The following SLC9A1 variants were observed in gnomAD, a reference collection of about 807,000 sequenced individuals.
SLC9A1 encodes solute carrier family 9 member A1, also known as sodium/hydrogen exchanger 1.
SLC9A1 carries 22 observed loss-of-function variants against 67.9 expected under a neutral mutation model. The ratio of observed to expected loss-of-function variants is 0.32; its 90% CI spans 0.23 to 0.46. SLC9A1 has a LOEUF of 0.46. SLC9A1 is among the 20% of genes least tolerant of loss of function. The probability of loss-of-function intolerance (pLI) is 1.00; values close to 1 mark genes in which losing one functional copy is unlikely to be tolerated. For synonymous variants in SLC9A1, 421 were observed against 471.8 expected (o/e 0.89, Z 1.40); for missense variants, 686 against 1,094.8 (o/e 0.63, Z 5.27).
At chr1:27,138,813 C>T (rs2083436146) in intron 1 of SLC9A1, among the ~76,000 whole-genome samples, 1 of 152,126 alleles carries the variant, frequency 6.6e-6, no homozygotes, top group South Asian at 2.1e-4. Flanking sequence ...TGCATTTTCT[C>T]CCAAGTTCAT....
rs2083137678 is a variant in SLC9A1 at position 27,100,833 on chromosome 1, T to C, written c.2111-189A>G. Among the ~76,000 whole-genome samples the C allele has an allele frequency of 6.6e-6, 1 of 152,190 alleles. No homozygotes were observed. Among genetic ancestry groups the C allele is most frequent in the South Asian group, 2.1e-4 (1 of 4,826 alleles). On this transcript the variant is annotated intron_variant, in intron 11 of 11. Transcript: ENST00000263980. The surrounding 1 kb of genome is among the most constrained non-coding windows in gnomAD (Gnocchi z 5.6). The stretch of plus-strand genomic sequence containing the variant: ...TTCTCTTCCTCAGACTGTGGCCCTC[T>C]CCTTTGACAGGGGCTCCCAGAGGTG...
At position 27,101,791 on chromosome 1, in the gene SLC9A1, G is replaced by A; in HGVS notation, c.1971C>T (p.Asp657=). Residue 657 remains aspartate, a synonymous_variant, in exon 10 of 12, where the codon GAC becomes GAT. Transcript: ENST00000263980. This position sits in a 1 kb window ranked among gnomAD's most constrained non-coding sequence, Gnocchi z 4.9. The stretch of plus-strand genomic sequence containing the variant: ...TCTGGTTCCAGGCTTCCTCGTAGGG[G>A]TCTGCCACCAGCGTGTGTCTGTTGT... The part of the protein sequence containing the change: ...RSYNRHTLVA[D]PYEEAWNQML... The A allele has an allele frequency of 2.5e-6, 4 of 1,612,848 alleles. No individual in the cohort carries two copies. Among genetic ancestry groups the A allele is most frequent in the Non-Finnish European group, 3.4e-6 (4 of 1,179,940 alleles).
At chr1:27,120,610 C>T (rs1303628846) in intron 1 of SLC9A1, among the ~76,000 whole-genome samples, 1 of 151,768 alleles carries the variant, frequency 6.6e-6, no homozygotes, top group East Asian at 2.0e-4. Context: ...TGGTGGCAGG[C>T]GCCTCTAATC....
At chr1:27,150,826 G>A (rs1253491600) in intron 1 of SLC9A1, among the ~76,000 whole-genome samples, 1 of 152,140 alleles carries the variant, frequency 6.6e-6, no homozygotes, top group Non-Finnish European at 1.5e-5. Flanking sequence ...TCCATGGTTA[G>A]GGTAGGAAGG....
At position 27,119,580 on chromosome 1, in the gene SLC9A1, G is replaced by A. The variant is rs531081343; in HGVS notation, c.353-5294C>T. 3.3e-4 allele frequency among the ~76,000 whole-genome samples: 50 copies of A among 152,280 alleles called. No individual in the cohort carries two copies. In the South Asian group the frequency reaches 9.5e-3, roughly 29 times the overall value. On this transcript the variant is annotated intron_variant, in intron 1 of 11. Coordinates refer to ENST00000263980, the MANE Select transcript of SLC9A1 (RefSeq NM_003047.5). ...AGCCCAGCACTCTACAGTTTACAGC[G>A]GCACACTCTTAACCCATTTGCTCTC... is the stretch of plus-strand genomic sequence containing the variant.
intron 1 of SLC9A1, among the ~76,000 whole-genome samples, chr1:27,147,414 C>T (rs1473965367): frequency 6.6e-6 from 1 of 151,086 alleles, no homozygotes; most frequent in Non-Finnish European, 1.5e-5. Context: ...ATCACTTGAA[C>T]CTGGAGGCGG....
chr1:27,100,039 G>A lies in SLC9A1; in HGVS notation c.*268C>T, dbSNP rs369065288. 9 of 409,450 alleles carry A rather than the reference G, an allele frequency of 2.2e-5. No homozygotes were observed. The highest frequency in any genetic ancestry group is 1.5e-4 in the East Asian group (4 of 27,540). The allele number at this position is 409,450 out of a possible 1,614,324, so 25.4% of individuals were successfully genotyped here. ...AGGCCCTAGTCCAGGTCCGGGAGAAGCCTGGATCTAGGGAGGGGCAGGGCC... is the reference window on the plus strand; with the variant it reads ...AGGCCCTAGTCCAGGTCCGGGAGAAACCTGGATCTAGGGAGGGGCAGGGCC... On this transcript the variant is annotated 3_prime_UTR_variant, in exon 12 of 12. Coordinates refer to ENST00000263980, the MANE Select transcript of SLC9A1 (RefSeq NM_003047.5). The surrounding 1 kb of genome is among the most constrained non-coding windows in gnomAD (Gnocchi z 5.6).
chr1:27,105,639 T>C (rs2083178212), intron 5 of SLC9A1: 1 of 687,344 alleles, frequency 1.5e-6, no homozygotes, highest in Non-Finnish European at 2.7e-6. Context: ...CCAAATTAAG[T>C]TGGGCAGCAT....
intron 1 of SLC9A1, among the ~76,000 whole-genome samples, chr1:27,134,695 T>A (rs1024680563): frequency 2.0e-5 from 3 of 152,152 alleles, no homozygotes; most frequent in Admixed American, 2.0e-4. Flanking sequence ...TTTCAAAAGA[T>A]CCGATTTAAT....
chr1:27,143,174 A>G (rs2083462952), intron 1 of SLC9A1, among the ~76,000 whole-genome samples: 1 of 152,004 alleles, frequency 6.6e-6, no homozygotes, highest in Non-Finnish European at 1.5e-5. Context: ...CTCAGAAACA[A>G]TCTTAGAAAC....
intron 1 of SLC9A1, among the ~76,000 whole-genome samples, chr1:27,141,261 G>A (rs1308984735): frequency 1.3e-5 from 2 of 152,090 alleles, no homozygotes; most frequent in Non-Finnish European, 2.9e-5. Flanking sequence ...CCAAGGTCAC[G>A]GTGCTACAAA....
intron 1 of SLC9A1, among the ~76,000 whole-genome samples, chr1:27,120,157 G>A (rs1395994369): frequency 6.6e-6 from 1 of 151,842 alleles, no homozygotes; most frequent in African/African-American, 2.4e-5. Context: ...GTTTTGGGGG[G>A]GCGGAGTCTC....
In SLC9A1 at chr1:27,133,463, G is replaced by A. The variant is rs1199560782; in HGVS notation, c.353-19177C>T. ...CTGAAGCTGAGGAGACCCAAACACT[G>A]AGCTAGAAGAAGTGTAAGAGACTAC... On this transcript the variant is annotated intron_variant, in intron 1 of 11. Transcript: ENST00000263980. 6.6e-5 allele frequency among the ~76,000 whole-genome samples: 10 copies of A among 152,242 alleles called. No individual in the cohort carries two copies. The East Asian group carries it at 1.9e-3, about 29-fold the overall frequency.
intron 1 of SLC9A1, among the ~76,000 whole-genome samples, chr1:27,152,190 G>A (rs768653106): frequency 2.0e-5 from 3 of 152,166 alleles, no homozygotes; most frequent in Admixed American, 2.0e-4. Context: ...GACAAAGCAG[G>A]CCAGGCCAAG....
rs1307816071 is a variant in SLC9A1, at chr1:27,106,926, C to A, written c.1282+722G>T. 6.6e-6 allele frequency among the ~76,000 whole-genome samples: 1 copy of A among 151,900 alleles called. No homozygotes were observed. The highest frequency in any genetic ancestry group is 1.5e-5 in the Non-Finnish European group (1 of 67,936). The stretch of plus-strand genomic sequence containing the variant: ...GTCTCAGGGCCCCCTCACTTTGACA[C>A]AGCCTGACTCTGTCCCCAGAGACCA... On this transcript the variant is annotated intron_variant, in intron 4 of 11. Coordinates refer to ENST00000263980, the MANE Select transcript of SLC9A1 (RefSeq NM_003047.5). The surrounding 1 kb of genome is among the most constrained non-coding windows in gnomAD (Gnocchi z 4.3).
rs906806665 is a variant in SLC9A1 at position 27,141,553 on chromosome 1, C to T, written c.352+12430G>A. On this transcript the variant is annotated intron_variant, in intron 1 of 11. Transcript: ENST00000263980. ...ATTCTCTCTCCCACCTCTAAACTCC[C>T]GTAGAATTCCATCTGCACTTCAAAT... is the stretch of plus-strand genomic sequence containing the variant. Among the ~76,000 whole-genome samples, 8 of 152,338 alleles carry T rather than the reference C, an allele frequency of 5.3e-5. No homozygotes were observed. In the East Asian group the frequency reaches 9.6e-4, roughly 18 times the overall value.
intron 1 of SLC9A1, among the ~76,000 whole-genome samples, chr1:27,133,612 G>A (rs1408375059): frequency 3.9e-5 from 6 of 152,064 alleles, no homozygotes; most frequent in Admixed American, 2.0e-4. Context: ...TAGTTAGGAC[G>A]GGAAGGGTGC....
At chr1:27,113,776 G>T in intron 2 of SLC9A1, 50 bp downstream of exon 2, 2 of 1,416,142 alleles carry the variant, frequency 1.4e-6, no homozygotes, top group Non-Finnish European at 2.0e-6. Flanking sequence ...GGTGGGCCTG[G>T]ATTTGGGTTT....
At chr1:27,133,966 T>G (rs2083402985) in intron 1 of SLC9A1, among the ~76,000 whole-genome samples, 2 of 152,096 alleles carry the variant, frequency 1.3e-5, no homozygotes. Context: ...AGTTTCACCA[T>G]CTTGGCCAGG....
Sources: allele counts gnomAD v4.1 joint callset (sites outside exome capture counted in the v4.1 genomes callset), GRCh38; gene constraint gnomAD v4.1.1; non-coding constraint Gnocchi (gnomAD v3.1); transcripts MANE v1.5; gene names NCBI Gene and HGNC (gene_info 2026-07-23, HGNC 2026-07-21).